Variants in ELAVL4 observed in about 807,000 individuals in gnomAD.
ELAVL4 encodes ELAV-like protein 4.
ELAVL4 carries 1 observed loss-of-function variant against 35.6 expected under a neutral mutation model. That is an observed-to-expected ratio of 0.03 (90% confidence interval 0.01 to 0.13). ELAVL4 has a LOEUF of 0.13. Ranked by LOEUF, ELAVL4 falls within the 10% of genes least tolerant of loss-of-function variation. The pLI, the probability that ELAVL4 is intolerant of heterozygous loss-of-function variation, is 1.00. For missense variants in ELAVL4, 267 were observed against 464.9 expected, an observed-to-expected ratio of 0.57 and a Z score of 3.91; for synonymous variants, 156 against 171.0, an observed-to-expected ratio of 0.91 and a Z score of 0.69.
chr1:50,050,526 A>G (rs1240850689), intron 1 of ELAVL4, among the ~76,000 whole-genome samples: 1 of 152,220 alleles, frequency 6.6e-6, no homozygotes, highest in Non-Finnish European at 1.5e-5. Context: ...TGTTAAGTAC[A>G]TGCCTTTGGG....
At chr1:50,053,821 C>T (rs1370823137) in intron 1 of ELAVL4, among the ~76,000 whole-genome samples, 1 of 151,972 alleles carries the variant, frequency 6.6e-6, no homozygotes, top group Non-Finnish European at 1.5e-5. Context: ...GTTATAAATG[C>T]TATGTGGGAA....
At position 50,195,729 on chromosome 1, in the gene ELAVL4, A is replaced by G; in HGVS notation, c.677A>G (p.Tyr226Cys). The change falls in exon 5 of 7, where the codon TAC becomes TGC. Residue 226 changes from tyrosine (Y) to cysteine (C), a missense_variant. Transcript: ENST00000371824. ...KSSQALLSQL[Y>C]QSPNRRYPGP... is the part of the protein sequence containing the mutation. The stretch of plus-strand genomic sequence containing the variant: ...AGCCAGGCCCTGCTCTCCCAGCTCT[A>G]CCAGTCCCCCAACCGGCGCTACCCA... The G allele has an allele frequency of 2.5e-6, 4 of 1,614,090 alleles. No individual in the cohort carries two copies. The highest frequency in any genetic ancestry group is 3.4e-6 in the Non-Finnish European group (4 of 1,179,982).
At chr1:50,139,830 C>G (rs1672519755) in intron 1 of ELAVL4, among the ~76,000 whole-genome samples, 1 of 152,084 alleles carries the variant, frequency 6.6e-6, no homozygotes, top group African/African-American at 2.4e-5. Context: ...GAAGCCTTCC[C>G]TCTTGCTTTT....
intron 1 of ELAVL4, among the ~76,000 whole-genome samples, chr1:50,124,002 A>G (rs1195803582): frequency 6.6e-5 from 10 of 152,100 alleles, no homozygotes; most frequent in African/African-American, 2.2e-4. Context: ...CTTGGCACCA[A>G]GTAGGTGCTC....
At chr1:50,138,628 G>A (rs1284175854) in intron 1 of ELAVL4, among the ~76,000 whole-genome samples, 7 of 151,988 alleles carry the variant, frequency 4.6e-5, no homozygotes, top group Non-Finnish European at 1.0e-4. Context: ...ATCATGCCTG[G>A]CAAATTTTTG....
chr1:50,148,485 G>A (rs1674143721), intron 2 of ELAVL4, among the ~76,000 whole-genome samples: 1 of 152,182 alleles, frequency 6.6e-6, no homozygotes, highest in Non-Finnish European at 1.5e-5. Context: ...GAAAATGCCA[G>A]TTTTAAGATA....
chr1:50,154,056 A>C (rs572427505), intron 2 of ELAVL4, among the ~76,000 whole-genome samples: 157 of 152,354 alleles, frequency 1.0e-3, no homozygotes, highest in African/African-American at 3.7e-3. Flanking sequence ...AAGCTGCCTA[A>C]TACAGACATC....
rs149399581 is a variant in ELAVL4 at position 50,172,013 on chromosome 1, A to G, written c.251-5076A>G. ...AACTCAGAAGTTTTCAACAGCAGCTACCCATCTGGCTGCCTCCTCAGGGGC... is the reference window on the plus strand; with the variant it reads ...AACTCAGAAGTTTTCAACAGCAGCTGCCCATCTGGCTGCCTCCTCAGGGGC... On this transcript the variant is annotated intron_variant, in intron 2 of 6. Transcript: ENST00000371824. Among the ~76,000 whole-genome samples the G allele has an allele frequency of 3.2e-3, 495 of 152,318 alleles. 6 individuals carry two copies. Among genetic ancestry groups the G allele is most frequent in the African/African-American group, 0.011 (473 of 41,576 alleles).
At chr1:50,152,843 G>A (rs1225767262) in intron 2 of ELAVL4, among the ~76,000 whole-genome samples, 1 of 152,166 alleles carries the variant, frequency 6.6e-6, no homozygotes, top group Admixed American at 6.5e-5. Flanking sequence ...AATTCAGATA[G>A]AGATCATATA....
intron 1 of ELAVL4, among the ~76,000 whole-genome samples, chr1:50,135,495 C>T (rs1423600942): frequency 1.1e-4 from 16 of 152,128 alleles, no homozygotes; most frequent in African/African-American, 2.4e-5. Context: ...TATTTGTTTG[C>T]CTGCCCTCCT....
intron 1 of ELAVL4, among the ~76,000 whole-genome samples, chr1:50,057,896 A>T (rs895390712): frequency 3.3e-5 from 5 of 152,234 alleles, no homozygotes; most frequent in Non-Finnish European, 4.4e-5. Context: ...TTTTGTATAC[A>T]TGGGACAATC....
intron 1 of ELAVL4, among the ~76,000 whole-genome samples, chr1:50,094,070 C>CAAT (rs1665611583): frequency 2.6e-5 from 4 of 152,150 alleles, no homozygotes; most frequent in African/African-American, 9.7e-5. Flanking sequence ...TGTCTGAAAG[C>CAAT]ACTTTGCAAA....
chr1:50,187,371 T>G (rs74816897), intron 3 of ELAVL4, among the ~76,000 whole-genome samples: 1 of 152,200 alleles, frequency 6.6e-6, no homozygotes, highest in Admixed American at 6.5e-5. Flanking sequence ...GCATTGTGCC[T>G]AGAAGTCTTA....
At chr1:50,131,607 G>T (rs947702062) in intron 1 of ELAVL4, among the ~76,000 whole-genome samples, 1 of 152,040 alleles carries the variant, frequency 6.6e-6, no homozygotes, top group Non-Finnish European at 1.5e-5. Flanking sequence ...AGCCAACATG[G>T]TGAAAACCTG....
At chr1:50,179,584 C>T (rs1349288137) in intron 3 of ELAVL4, 1 of 152,134 alleles carries the variant, frequency 6.6e-6, no homozygotes, top group Non-Finnish European at 1.5e-5. Flanking sequence ...TGATAAGTGA[C>T]ATGAGATCTA....
intron 1 of ELAVL4, among the ~76,000 whole-genome samples, chr1:50,080,427 C>A (rs930947721): frequency 2.6e-5 from 4 of 152,144 alleles, no homozygotes; most frequent in African/African-American, 9.6e-5. Flanking sequence ...CACACACACA[C>A]ACACACACAC....
chr1:50,172,492 A>T (rs1315510501), intron 2 of ELAVL4, among the ~76,000 whole-genome samples: 1 of 152,144 alleles, frequency 6.6e-6, no homozygotes, highest in Non-Finnish European at 1.5e-5. Context: ...GGAAGATAAC[A>T]ATCTACAGCT....
upstream of ELAVL4, chr1:50,105,995 C>T (rs1666269131): frequency 3.4e-6 from 1 of 296,168 alleles, no homozygotes. Flanking sequence ...GTTTTTCCCC[C>T]CTCTTCTTTT....
intron 1 of ELAVL4, among the ~76,000 whole-genome samples, chr1:50,126,646 A>AT (rs1669974266): frequency 6.6e-6 from 1 of 152,132 alleles, no homozygotes; most frequent in African/African-American, 2.4e-5. Flanking sequence ...AAAGATTAAA[A>AT]TTAAACTTTT....
Sources: allele counts gnomAD v4.1 joint callset (sites outside exome capture counted in the v4.1 genomes callset), GRCh38; gene constraint gnomAD v4.1.1; transcripts MANE v1.5; gene names NCBI Gene and HGNC (gene_info 2026-07-23, HGNC 2026-07-21).